PCSK5: variants seen among roughly 807,000 people sequenced by gnomAD.
The protein encoded by PCSK5 is proprotein convertase subtilisin/kexin type 5.
Under a neutral mutation model 233.2 loss-of-function variants are expected in PCSK5, and 129 were observed. The observed-to-expected ratio is 0.55, with a 90% CI of 0.48 to 0.64. The LOEUF (loss-of-function observed/expected upper bound fraction) is 0.64, where lower values mean the gene tolerates loss of function less well. Ranked by LOEUF, PCSK5 falls within the 30% of genes least tolerant of loss-of-function variation. PCSK5 has a pLI of 0.00. For synonymous variants in PCSK5, 825 were observed against 879.2 expected, an observed-to-expected ratio of 0.94 and a Z score of 1.09; for missense variants, 2,076 against 2,430.1, an observed-to-expected ratio of 0.85 and a Z score of 3.06.
intron 20 of PCSK5, among the ~76,000 whole-genome samples, chr9:76,203,772 C>T (rs1825005354): frequency 6.6e-6 from 1 of 152,136 alleles, no homozygotes. Flanking sequence ...ACAATGAGAA[C>T]ACACCTGCTC....
chr9:76,358,701 T>C lies in PCSK5; in HGVS notation c.5443T>C (p.Ser1815Pro), dbSNP rs1830365306. The change falls in exon 38 of 38, where the codon TCT becomes CCT. Residue 1815 changes from serine to proline, a missense_variant. Coordinates refer to ENST00000674117, the MANE Select transcript of PCSK5 (RefSeq NM_001372043.1). ...GYEKLADPNK[S>P]YSSYKSSYRE... ...TGAAAAACTGGCCGACCCCAACAAG[T>C]CTTACTCCTCCTATAAGAGCAGCTA... is the stretch of plus-strand genomic sequence containing the variant. The C allele has an allele frequency of 6.2e-7, 1 of 1,612,682 alleles. No homozygotes were observed. The highest frequency in any genetic ancestry group is 2.2e-5 in the East Asian group (1 of 44,892).
At chr9:76,054,131 C>T (rs752849039) in intron 5 of PCSK5, among the ~76,000 whole-genome samples, 15 of 152,076 alleles carry the variant, frequency 9.9e-5, no homozygotes, top group Non-Finnish European at 1.5e-5. Context: ...ATCACAAGAA[C>T]TGCATGGGAA....
rs182667125 is a variant in PCSK5, at chr9:75,964,748, A to T, written c.298-21384A>T. On this transcript the variant is annotated intron_variant, in intron 2 of 37. Coordinates refer to ENST00000674117, the MANE Select transcript of PCSK5 (RefSeq NM_001372043.1). ...TTAATTCATGGTCCATTTCAACTTC[A>T]TGTATTAATTAAGTGCTCATTGCGT... Among the ~76,000 whole-genome samples the T allele has an allele frequency of 8.5e-5, 13 of 152,354 alleles. No homozygotes were observed. The East Asian group carries it at 2.3e-3, about 27-fold the overall frequency.
At chr9:76,230,470 C>T (rs931268863) in intron 21 of PCSK5, among the ~76,000 whole-genome samples, 3 of 152,176 alleles carry the variant, frequency 2.0e-5, no homozygotes, top group Non-Finnish European at 4.4e-5. Flanking sequence ...TGGGAGATTA[C>T]TTCTCCCAAG....
Position 76,256,205 on chromosome 9 carries a change from T to C in PCSK5, c.3142+15521T>C, listed in dbSNP as rs144488802. Among the ~76,000 whole-genome samples the C allele has an allele frequency of 5.9e-4, 90 of 152,334 alleles. 1 individual carries two copies. The East Asian group carries it at 0.014, about 23-fold the overall frequency. ...GGGAGAAGAACATAGTGGCGAGGTA[T>C]CTTAAGTTCAATTCTAGAGCAATTA... On this transcript the variant is annotated intron_variant, in intron 24 of 37. Coordinates refer to ENST00000674117, the MANE Select transcript of PCSK5 (RefSeq NM_001372043.1).
chr9:76,358,500 CT>C lies in PCSK5; in HGVS notation c.5255-11del. ...TCCCTCTTGCCTCTTCCTTTGAGGT[CT>C]TCTTCCAACAGACGAATGCATCCTT... On this transcript the variant is annotated splice_polypyrimidine_tract_variant and intron_variant, in intron 37 of 37. Coordinates refer to ENST00000674117, the MANE Select transcript of PCSK5 (RefSeq NM_001372043.1). 3.1e-6 allele frequency: 5 copies of C among 1,596,090 alleles called. No individual in the cohort carries two copies. The highest frequency in any genetic ancestry group is 4.3e-6 in the Non-Finnish European group (5 of 1,166,894).
At chr9:76,048,021 C>T (rs982688754) in intron 5 of PCSK5, among the ~76,000 whole-genome samples, 6 of 152,162 alleles carry the variant, frequency 3.9e-5, no homozygotes, top group African/African-American at 9.7e-5. Flanking sequence ...AAATCATTCT[C>T]ATTTAAAGCC....
chr9:76,277,086 T>C (rs780872331), intron 24 of PCSK5, among the ~76,000 whole-genome samples: 5 of 151,910 alleles, frequency 3.3e-5, no homozygotes, highest in Non-Finnish European at 7.4e-5. Context: ...AAAAAATTAG[T>C]GGGTGTGGTG....
At chr9:76,167,088 G>A (rs867399558) in intron 12 of PCSK5, among the ~76,000 whole-genome samples, 2 of 152,156 alleles carry the variant, frequency 1.3e-5, no homozygotes, top group Admixed American at 6.5e-5. Context: ...CTCTATTGAG[G>A]ACCCATTCCA....
chr9:76,213,930 G>A (rs971759843), intron 20 of PCSK5, among the ~76,000 whole-genome samples: 4 of 151,906 alleles, frequency 2.6e-5, no homozygotes, highest in African/African-American at 9.7e-5. Flanking sequence ...CATGCCCAAG[G>A]CAATCTGATT....
At chr9:75,966,494 C>G (rs1442292866) in intron 2 of PCSK5, among the ~76,000 whole-genome samples, 1 of 152,176 alleles carries the variant, frequency 6.6e-6, no homozygotes, top group Admixed American at 6.5e-5. Context: ...AACTTGCCAT[C>G]CCAATCTCAT....
intron 3 of PCSK5, among the ~76,000 whole-genome samples, chr9:75,999,846 A>G (rs527581137): frequency 6.6e-6 from 1 of 152,350 alleles, no homozygotes; most frequent in Non-Finnish European, 1.5e-5. Flanking sequence ...AGGCAATACC[A>G]TTTAGGACAT....
chr9:76,043,116 G>C (rs1259438658), intron 5 of PCSK5, among the ~76,000 whole-genome samples: 1 of 152,140 alleles, frequency 6.6e-6, no homozygotes, highest in Non-Finnish European at 1.5e-5. Context: ...GGAGGCCGAG[G>C]CGGGCGGATC....
At chr9:76,070,209 C>G (rs1332725947) in intron 6 of PCSK5, among the ~76,000 whole-genome samples, 9 of 152,046 alleles carry the variant, frequency 5.9e-5, no homozygotes, top group Admixed American at 1.3e-4. Flanking sequence ...ACCATGTTAG[C>G]CAGGATGGCC....
chr9:75,948,529 A>G (rs1407850698), intron 2 of PCSK5, among the ~76,000 whole-genome samples: 1 of 151,930 alleles, frequency 6.6e-6, no homozygotes, highest in East Asian at 1.9e-4. Context: ...CATGGTGTAT[A>G]TGTGCCACAT....
intron 5 of PCSK5, among the ~76,000 whole-genome samples, chr9:76,051,604 A>C (rs1587553707): frequency 1.3e-5 from 2 of 152,284 alleles, no homozygotes; most frequent in Non-Finnish European, 2.9e-5. Flanking sequence ...ATGTCCAAAA[A>C]AAAAACAACA....
chr9:76,002,894 T>C (rs931714846), intron 3 of PCSK5, among the ~76,000 whole-genome samples: 4 of 152,228 alleles, frequency 2.6e-5, no homozygotes, highest in Admixed American at 6.5e-5. Context: ...GCAAGATAAC[T>C]GTCAGGAGTC....
chr9:76,310,368 A>G (rs1467300811), intron 29 of PCSK5, among the ~76,000 whole-genome samples: 1 of 152,290 alleles, frequency 6.6e-6, no homozygotes, highest in Middle Eastern at 3.4e-3. Flanking sequence ...CCAGGAAGAC[A>G]TAGAGAGTGT....
At chr9:76,074,763 C>T (rs1287466900) in intron 7 of PCSK5, among the ~76,000 whole-genome samples, 1 of 152,136 alleles carries the variant, frequency 6.6e-6, no homozygotes, top group African/African-American at 2.4e-5. Context: ...AGTATAATAC[C>T]TGCAATATAA....
Sources: gnomAD v4.1 joint callset for allele counts (sites outside exome capture counted in the v4.1 genomes callset) on GRCh38, gnomAD v4.1.1 for gene constraint, MANE v1.5 for transcripts, NCBI Gene and HGNC (gene_info 2026-07-23, HGNC 2026-07-21) for gene names.